SLC24A2: variants seen among roughly 807,000 people sequenced by gnomAD.
The protein encoded by SLC24A2 is solute carrier family 24 member 2.
In SLC24A2, 36 loss-of-function variants were observed where a neutral mutation model predicts 62.0. That is an observed-to-expected ratio of 0.58 (90% CI 0.44 to 0.77). SLC24A2 has a LOEUF of 0.77. Among genes scored for constraint, SLC24A2 ranks in the 30% least tolerant of loss-of-function variants. The pLI is 0.00. For missense variants in SLC24A2, 846 were observed against 817.9 expected (o/e 1.03, Z -0.42); for synonymous variants, 358 against 294.0 (o/e 1.22, Z -2.23).
At chr9:19,886,133 C>T in the SLC24A2 span, among the ~76,000 whole-genome samples, 3 of 152,114 alleles carry the variant, frequency 2.0e-5, no homozygotes, top group African/African-American at 4.8e-5. Flanking sequence ...ATTGCTGGGT[C>T]GAATGGCAAT....
chr9:19,566,235 C>A (rs999666314), intron 7 of SLC24A2, among the ~76,000 whole-genome samples: 5 of 149,522 alleles, frequency 3.3e-5, no homozygotes, highest in Non-Finnish European at 7.5e-5. Context: ...GGGCTAATAT[C>A]CAGAATCTAC....
the SLC24A2 span, among the ~76,000 whole-genome samples, chr9:20,225,576 T>TATATATATATATATATAATATA: frequency 7.9e-6 from 1 of 126,444 alleles, no homozygotes; most frequent in African/African-American, 3.7e-5. Context: ...ATATATATAA[T>TATATATATATATATATAATATA]TTCATTTAAA....
intron 5 of SLC24A2, among the ~76,000 whole-genome samples, chr9:19,584,283 A>AAC (rs796660489): frequency 1.3e-5 from 2 of 149,770 alleles, no homozygotes; most frequent in East Asian, 2.1e-4. Context: ...TAAAAAAAAA[A>AAC]AAAAAAAAAA....
chr9:19,782,888 A>C (rs1001027217), intron 2 of SLC24A2, among the ~76,000 whole-genome samples: 2 of 152,180 alleles, frequency 1.3e-5, no homozygotes, highest in Non-Finnish European at 1.5e-5. Flanking sequence ...CTTATTACAC[A>C]ACCAGGCTAA....
At chr9:20,162,207 G>C in the SLC24A2 span, among the ~76,000 whole-genome samples, 1 of 151,576 alleles carries the variant, frequency 6.6e-6, no homozygotes, top group Non-Finnish European at 1.5e-5. Context: ...TCACAGCTAT[G>C]TTATTATGCA....
At chr9:19,760,774 G>C (rs867415259) in intron 2 of SLC24A2, among the ~76,000 whole-genome samples, 2 of 151,750 alleles carry the variant, frequency 1.3e-5, no homozygotes, top group African/African-American at 4.8e-5. Flanking sequence ...ACATTGATGG[G>C]CATTTGGGTT....
At chr9:19,722,375 G>GA (rs1821051980) in intron 2 of SLC24A2, among the ~76,000 whole-genome samples, 1 of 151,980 alleles carries the variant, frequency 6.6e-6, no homozygotes, top group African/African-American at 2.4e-5. Context: ...ATATATTTTG[G>GA]TATCACTTTA....
intron 2 of SLC24A2, among the ~76,000 whole-genome samples, chr9:19,652,588 A>T (rs888673370): frequency 6.6e-6 from 1 of 152,100 alleles, no homozygotes; most frequent in Non-Finnish European, 1.5e-5. Context: ...AGAGACAAAT[A>T]AATTCTCCTC....
chr9:19,735,152 A>G (rs1017458421), intron 2 of SLC24A2, among the ~76,000 whole-genome samples: 31 of 151,978 alleles, frequency 2.0e-4, no homozygotes, highest in African/African-American at 7.3e-4. Context: ...AAGAACTCAA[A>G]CAAATTTACA....
At chr9:19,688,511 C>A (rs1564039180) in intron 2 of SLC24A2, among the ~76,000 whole-genome samples, 1 of 151,984 alleles carries the variant, frequency 6.6e-6, no homozygotes, top group Non-Finnish European at 1.5e-5. Flanking sequence ...GGAAAGTTTA[C>A]TTTTTTAAAA....
the SLC24A2 span, among the ~76,000 whole-genome samples, chr9:20,181,636 A>C: frequency 2.0e-5 from 3 of 152,230 alleles, no homozygotes; most frequent in South Asian, 2.1e-4. Flanking sequence ...AAATTGACTC[A>C]AGATGGATTA....
the SLC24A2 span, among the ~76,000 whole-genome samples, chr9:19,848,667 G>C: frequency 2.6e-5 from 4 of 152,118 alleles, no homozygotes; most frequent in African/African-American, 9.7e-5. Flanking sequence ...TTAAAAATTT[G>C]CTTCCTAAAT....
chr9:19,890,088 A>T, the SLC24A2 span, among the ~76,000 whole-genome samples: 2 of 152,200 alleles, frequency 1.3e-5, no homozygotes, highest in Non-Finnish European at 2.9e-5. Flanking sequence ...AACCCCAGTA[A>T]GTTGCACACC....
chr9:20,063,877 G>C, the SLC24A2 span, among the ~76,000 whole-genome samples: 1 of 152,118 alleles, frequency 6.6e-6, no homozygotes, highest in South Asian at 2.1e-4. Context: ...TCAATTACTT[G>C]TGGAAATGTA....
intron 2 of SLC24A2, among the ~76,000 whole-genome samples, chr9:19,675,405 G>T (rs1314004717): frequency 6.6e-6 from 1 of 152,098 alleles, no homozygotes; most frequent in Non-Finnish European, 1.5e-5. Context: ...TGGTGGGCAG[G>T]GCCCTAGAGC....
At chr9:19,699,165 C>A (rs1403655414) in intron 2 of SLC24A2, among the ~76,000 whole-genome samples, 1 of 152,118 alleles carries the variant, frequency 6.6e-6, no homozygotes, top group Non-Finnish European at 1.5e-5. Context: ...TTGGTACCTA[C>A]TGCTGGGTCT....
At chr9:19,874,252 G>A in the SLC24A2 span, among the ~76,000 whole-genome samples, 1 of 151,272 alleles carries the variant, frequency 6.6e-6, no homozygotes, top group African/African-American at 2.4e-5. Context: ...GCTAATTTTT[G>A]TTTTTTTAGT....
At chr9:20,194,670 T>G in the SLC24A2 span, among the ~76,000 whole-genome samples, 2 of 152,176 alleles carry the variant, frequency 1.3e-5, no homozygotes, top group Non-Finnish European at 2.9e-5. Flanking sequence ...TCTGCAGGCT[T>G]TAGTTTCTTG....
chr9:19,592,522 C>A (rs965991723), intron 5 of SLC24A2, among the ~76,000 whole-genome samples: 1 of 151,900 alleles, frequency 6.6e-6, no homozygotes, highest in African/African-American at 2.4e-5. Flanking sequence ...ACCTACCTAC[C>A]TACCTACCTA....
Sources: gnomAD v4.1 joint callset for allele counts (sites outside exome capture counted in the v4.1 genomes callset) on GRCh38, gnomAD v4.1.1 for gene constraint, MANE v1.5 for transcripts, NCBI Gene and HGNC (gene_info 2026-07-23, HGNC 2026-07-21) for gene names.